Variants in ADAM10 observed in about 807,000 individuals in gnomAD.
ADAM10 encodes ADAM metallopeptidase domain 10.
Under a neutral mutation model 90.1 loss-of-function variants are expected in ADAM10, and 17 were observed. The ratio of observed to expected loss-of-function variants is 0.19; its 90% CI spans 0.13 to 0.28. The LOEUF (loss-of-function observed/expected upper bound fraction) is 0.28. Ranked by LOEUF, ADAM10 falls within the 10% of genes least tolerant of loss-of-function variation. The pLI, the probability that ADAM10 is intolerant of heterozygous loss-of-function variation, is 1.00. For synonymous variants in ADAM10, 310 were observed against 298.6 expected (o/e 1.04, Z -0.40); for missense variants, 610 against 914.3 (o/e 0.67, Z 4.29).
At chr15:58,733,262 A>C (rs1232553247) in intron 1 of ADAM10, 1 of 152,170 alleles carries the variant, frequency 6.6e-6, no homozygotes, top group Non-Finnish European at 1.5e-5. Flanking sequence ...ATCTATCCAC[A>C]ATGTAGAGAT....
At chr15:58,653,029 A>T (rs1896725860) in intron 5 of ADAM10, among the ~76,000 whole-genome samples, 1 of 152,192 alleles carries the variant, frequency 6.6e-6, no homozygotes. Context: ...TGCTGGAAAC[A>T]ACAGTAGAAA....
intron 10 of ADAM10, among the ~76,000 whole-genome samples, chr15:58,627,144 G>A (rs1202771619): frequency 6.6e-6 from 1 of 152,058 alleles, no homozygotes; most frequent in Non-Finnish European, 1.5e-5. Flanking sequence ...GAATCTCAAA[G>A]CTGTATACTG....
At chr15:58,691,133 G>A in intron 2 of ADAM10, 1 of 688,874 alleles carries the variant, frequency 1.5e-6, no homozygotes, top group Non-Finnish European at 2.8e-6. Flanking sequence ...CAATGCGGCA[G>A]GGTGAAGACA....
intron 8 of ADAM10, 42 bp downstream of exon 8, chr15:58,640,730 CTTTGT>C (rs750405974): frequency 6.4e-7 from 1 of 1,571,384 alleles, no homozygotes; most frequent in South Asian, 1.1e-5. Context: ...GAAAACTCCC[CTTTGT>C]TTCAAGTAGT....
chr15:58,722,161 G>A (rs1303490482), intron 1 of ADAM10, among the ~76,000 whole-genome samples: 1 of 151,964 alleles, frequency 6.6e-6, no homozygotes, highest in African/African-American at 2.4e-5. Context: ...CCAACATGGT[G>A]AAACCCCCGT....
chr15:58,662,830 G>C (rs1253714990), intron 5 of ADAM10, among the ~76,000 whole-genome samples: 3 of 152,132 alleles, frequency 2.0e-5, no homozygotes, highest in South Asian at 2.1e-4. Flanking sequence ...TCTCCTCTCA[G>C]GTATTGCGCC....
intron 2 of ADAM10, chr15:58,691,073 C>T (rs746410440): frequency 6.5e-6 from 4 of 618,888 alleles, no homozygotes; most frequent in African/African-American, 3.6e-5. Context: ...AAAATGCCTG[C>T]GCTTTCATGA....
intron 11 of ADAM10, among the ~76,000 whole-genome samples, chr15:58,620,011 T>TTA (rs1213785089): frequency 6.6e-6 from 1 of 152,116 alleles, no homozygotes; most frequent in African/African-American, 2.4e-5. Context: ...TCCACATTCT[T>TTA]GCCCTGTTCA....
rs1899908933 is a variant in ADAM10 at position 58,749,488 on chromosome 15, C to T, written c.47G>A (p.Gly16Glu). ...VLILLLSWAA[G>E]MGGQYGNPLN... ...TCGCAGTCGTGCCTCACCTCCCATCCCCGCCGCCCAGGAGAGGAGCAGAAT... is the reference window on the plus strand; with the variant it reads ...TCGCAGTCGTGCCTCACCTCCCATCTCCGCCGCCCAGGAGAGGAGCAGAAT... Residue 16 changes from glycine to glutamate, a missense_variant, in exon 1 of 16, where the codon GGG (glycine) becomes GAG (glutamate). Around this residue, in one of 4 missense-constraint regions of ADAM10, gnomAD observed 310 missense variants for 362.4 expected, o/e 0.86. Transcript: ENST00000260408. The T allele has an allele frequency of 3.2e-6, 5 of 1,551,662 alleles. No homozygotes were observed. In the East Asian group the frequency reaches 1.2e-4, roughly 38 times the overall value.
intron 15 of ADAM10, among the ~76,000 whole-genome samples, chr15:58,599,318 TAA>T (rs376724177): frequency 5.6e-5 from 8 of 141,688 alleles, no homozygotes; most frequent in African/African-American, 1.8e-4. Flanking sequence ...AGAATATATT[TAA>T]AAAAAAAAAA....
chr15:58,741,637 A>G (rs1197289167), intron 1 of ADAM10, among the ~76,000 whole-genome samples: 1 of 152,252 alleles, frequency 6.6e-6, no homozygotes, highest in African/African-American at 2.4e-5. Context: ...CCTAATATTT[A>G]AATTCAACAG....
chr15:58,702,993 C>T (rs1425275566), intron 2 of ADAM10, among the ~76,000 whole-genome samples: 3 of 152,130 alleles, frequency 2.0e-5, no homozygotes, highest in Non-Finnish European at 2.9e-5. Context: ...AATTTTAATT[C>T]TACTACAATC....
chr15:58,692,283 G>A, intron 2 of ADAM10: 1 of 607,386 alleles, frequency 1.6e-6, no homozygotes, highest in Non-Finnish European at 3.3e-6. Context: ...AGGCACTGGT[G>A]AGGCTCTTGT....
chr15:58,685,926 T>C (rs562846650), intron 2 of ADAM10, among the ~76,000 whole-genome samples: 1 of 152,320 alleles, frequency 6.6e-6, no homozygotes, highest in Admixed American at 6.5e-5. Flanking sequence ...CAAAAAGTTT[T>C]GTTGCCACAA....
chr15:58,717,006 T>C (rs868820078), intron 2 of ADAM10, among the ~76,000 whole-genome samples: 7 of 152,156 alleles, frequency 4.6e-5, no homozygotes, highest in Non-Finnish European at 4.4e-5. Flanking sequence ...TATTTACCTC[T>C]GTCTGGATGT....
intron 10 of ADAM10, among the ~76,000 whole-genome samples, chr15:58,622,708 T>C (rs1426370050): frequency 6.6e-6 from 1 of 152,016 alleles, no homozygotes; most frequent in Non-Finnish European, 1.5e-5. Context: ...CTAAGCATAG[T>C]GAATAATTTT....
At chr15:58,683,288 A>G (rs1404745013) in intron 2 of ADAM10, among the ~76,000 whole-genome samples, 1 of 151,970 alleles carries the variant, frequency 6.6e-6, no homozygotes, top group Non-Finnish European at 1.5e-5. Flanking sequence ...TTTTTTTTAC[A>G]TATACATGTT....
chr15:58,625,041 GACAATA>G (rs1408929429), intron 10 of ADAM10, among the ~76,000 whole-genome samples: 12 of 151,950 alleles, frequency 7.9e-5, no homozygotes, highest in African/African-American at 2.7e-4. Context: ...AACAACCACT[GACAATA>G]ACAATAACAA....
rs540646968 is a variant in ADAM10 at position 58,637,409 on chromosome 15, G to C, written c.1012+3368C>G. Among the ~76,000 whole-genome samples the C allele has an allele frequency of 3.3e-5, 5 of 152,214 alleles. No homozygotes were observed. The East Asian group carries it at 9.7e-4, about 29-fold the overall frequency. On this transcript the variant is annotated intron_variant, in intron 8 of 15. Transcript: ENST00000260408. ...AAGACTCAAAAGAAGGGCAAAGACAGAACTACAATGAAAAAACAGCCAGAA... is the reference window on the plus strand; with the variant it reads ...AAGACTCAAAAGAAGGGCAAAGACACAACTACAATGAAAAAACAGCCAGAA...
Sources: allele counts gnomAD v4.1 joint callset (sites outside exome capture counted in the v4.1 genomes callset), GRCh38; gene constraint gnomAD v4.1.1; regional missense constraint gnomAD v4.1.1; transcripts MANE v1.5; gene names NCBI Gene and HGNC (gene_info 2026-07-23, HGNC 2026-07-21).